The following APPL1 variants were observed in gnomAD, a reference collection of about 807,000 sequenced individuals.
APPL1 encodes the protein adaptor protein, phosphotyrosine interacting with PH domain and leucine zipper 1.
In APPL1, 42 loss-of-function variants were observed where a neutral mutation model predicts 106.8. The ratio of observed to expected loss-of-function variants is 0.39; its 90% CI spans 0.31 to 0.51. The LOEUF is 0.51. Among genes scored for constraint, APPL1 ranks in the 20% least tolerant of loss-of-function variants. The pLI is 0.75. For missense variants in APPL1, 769 were observed against 858.2 expected, an observed-to-expected ratio of 0.90 and a Z score of 1.30; for synonymous variants, 263 against 281.8, an observed-to-expected ratio of 0.93 and a Z score of 0.67.
rs141358272 is a variant in APPL1, at chr3:57,271,222, TCA to T, written c.*1539_*1540del. 0.18 allele frequency: 27,612 copies of T among 152,200 alleles called. 2,794 individuals carry two copies. Among genetic ancestry groups the T allele is most frequent in the African/African-American group, 0.25 (10,195 of 41,344 alleles). The allele number at this position is 152,200 out of a possible 1,614,324, so 9.4% of individuals were successfully genotyped here. On this transcript the variant is annotated 3_prime_UTR_variant, in exon 22 of 22. Transcript: ENST00000288266. ...GGTCTCAAAATATAACTCAGCTGTT[TCA>T]CACTGTATATGTACATTGTTTTCTG...
intron 11 of APPL1, among the ~76,000 whole-genome samples, chr3:57,250,174 T>G (rs1396433028): frequency 1.3e-5 from 2 of 152,202 alleles, no homozygotes; most frequent in African/African-American, 4.8e-5. Flanking sequence ...GGGGTCTTAC[T>G]GTGTCTCCCT....
At position 57,247,519 on chromosome 3, in the gene APPL1, AATG is replaced by A. The variant is rs1559509879; in HGVS notation, c.704+45_704+47del. 5.8e-6 allele frequency: 7 copies of A among 1,199,272 alleles called. No homozygotes were observed. The East Asian group carries it at 1.4e-4, about 24-fold the overall frequency. The allele number at this position is 1,199,272 out of a possible 1,614,324, so 74.3% of individuals were successfully genotyped here. ...TTAAAATTGAAAATGAAATGATGTGAATGATAACAGCTCAATGACATAATGTAA... is the reference window on the plus strand; with the variant it reads ...TTAAAATTGAAAATGAAATGATGTGAATAACAGCTCAATGACATAATGTAA... On this transcript the variant is annotated intron_variant, in intron 9 of 21. Coordinates refer to ENST00000288266, the MANE Select transcript of APPL1 (RefSeq NM_012096.3).
rs1327673618 is a variant in APPL1 at position 57,272,208 on chromosome 3, G to GTAAC, written c.*2524_*2527dup. 6.6e-6 allele frequency: 1 copy of GTAAC among 152,146 alleles called. No individual in the cohort carries two copies. The highest frequency in any genetic ancestry group is 6.5e-5 in the Admixed American group (1 of 15,286). 9.4% of individuals were successfully genotyped at this position (152,146 alleles called of 1,614,324 possible). On this transcript the variant is annotated 3_prime_UTR_variant, in exon 22 of 22. Transcript: ENST00000288266. Reference sequence around the variant, plus strand: ...TGTTACCTATTTGAACAGTATGTTTGTAACTATGGCAATGAAGTCAGTAGA... The same window carrying GTAAC: ...TGTTACCTATTTGAACAGTATGTTTGTAACTAACTATGGCAATGAAGTCAGTAGA...
rs745495066 is a variant in APPL1, at chr3:57,248,197, C to T, written c.709C>T (p.Arg237Cys). Residue 237 changes from arginine to cysteine, a missense_variant, in exon 10 of 22, where the codon CGC becomes TGC. By Grantham distance (180) the Arg-to-Cys change is radical. Transcript: ENST00000288266. Reference sequence around the variant, plus strand: ...AAATAATCTGTTCTGTGTCAGTGTTCGCAGGGAAATGGACAGTGATATAGA... The same window carrying T: ...AAATAATCTGTTCTGTGTCAGTGTTTGCAGGGAAATGGACAGTGATATAGA... ...ANIGTSVQNVRREMDSDIETM... is the reference protein window; with the variant it reads ...ANIGTSVQNVCREMDSDIETM... 6 of 1,610,958 alleles carry T rather than the reference C, an allele frequency of 3.7e-6. No homozygotes were observed. The highest frequency in any genetic ancestry group is 2.2e-5 in the South Asian group (2 of 90,596).
At chr3:57,231,037 A>G (rs2060684109) in intron 1 of APPL1, among the ~76,000 whole-genome samples, 1 of 151,852 alleles carries the variant, frequency 6.6e-6, no homozygotes, top group Non-Finnish European at 1.5e-5. Flanking sequence ...AGCCCAACTA[A>G]TCTAAAAATT....
intron 7 of APPL1, 84 bp downstream of exon 7, chr3:57,242,998 C>A: frequency 3.1e-6 from 3 of 962,766 alleles, no homozygotes; most frequent in South Asian, 1.4e-5. Flanking sequence ...ATAGAGCCAG[C>A]AGTTACTTTG....
chr3:57,239,400 G>A (rs879543367), intron 4 of APPL1, among the ~76,000 whole-genome samples: 5 of 152,130 alleles, frequency 3.3e-5, no homozygotes, highest in Non-Finnish European at 7.4e-5. Flanking sequence ...ACTTCTTTAT[G>A]TCTGTTTTCA....
chr3:57,237,982 A>T, intron 3 of APPL1, 63 bp from the exon 4 acceptor site: 2 of 1,236,666 alleles, frequency 1.6e-6, no homozygotes, highest in Non-Finnish European at 1.2e-6. Context: ...TGTAAATTAT[A>T]GTAATGTCAT....
At chr3:57,253,012 A>G (rs1032290143) in intron 12 of APPL1, among the ~76,000 whole-genome samples, 1 of 152,190 alleles carries the variant, frequency 6.6e-6, no homozygotes, top group Non-Finnish European at 1.5e-5. Context: ...TAATATTAAA[A>G]CTTGCTTTTA....
intron 21 of APPL1, chr3:57,268,704 A>G (rs1489193084): frequency 9.1e-6 from 3 of 328,464 alleles, no homozygotes; most frequent in East Asian, 1.1e-4. Context: ...GACTGTTTCA[A>G]AAATATACCA....
Position 57,248,265 on chromosome 3 carries a change from T to C in APPL1, c.777T>C (p.Asp259=), listed in dbSNP as rs753805782. The change falls in exon 10 of 22, where the codon GAT becomes GAC. Residue 259 remains aspartate, a synonymous_variant. Transcript: ENST00000288266. The part of the protein sequence containing the change: ...QTIEDLEVAS[D]PLYVPDPDPT... ...TAGAGGATTTGGAAGTAGCCAGTGA[T>C]CCCTTATATGTGCCTGACCCAGACC... 1.2e-6 allele frequency: 2 copies of C among 1,614,162 alleles called. No homozygotes were observed. The highest frequency in any genetic ancestry group is 1.7e-6 in the Non-Finnish European group (2 of 1,180,026).
chr3:57,256,912 G>C, intron 13 of APPL1, 45 bp from the exon 14 acceptor site: 2 of 1,533,392 alleles, frequency 1.3e-6, no homozygotes, highest in Non-Finnish European at 1.8e-6. Flanking sequence ...CTTTTGGTTT[G>C]CTTACTTTAC....
chr3:57,246,298 A>G, intron 8 of APPL1, 76 bp downstream of exon 8: 1 of 1,125,600 alleles, frequency 8.9e-7, no homozygotes, highest in Non-Finnish European at 1.2e-6. Context: ...ATTAAGTATA[A>G]GGGTATTATA....
At position 57,235,598 on chromosome 3, in the gene APPL1, T is replaced by C; in HGVS notation, c.87T>C (p.Asp29=). 6.2e-7 allele frequency: 1 copy of C among 1,613,258 alleles called. No individual in the cohort carries two copies. The change falls in exon 2 of 22, where the codon GAT becomes GAC. Residue 29 remains aspartate (D), a synonymous_variant. Coordinates refer to ENST00000288266, the MANE Select transcript of APPL1 (RefSeq NM_012096.3). ...CTTTACTAGGTGTATTTGAAGAAGATGCCACAGCTATTTCCAACTATATGA... is the reference window on the plus strand; with the variant it reads ...CTTTACTAGGTGTATTTGAAGAAGACGCCACAGCTATTTCCAACTATATGA... ...TRSLLGVFEE[D]ATAISNYMNQ... is the part of the protein sequence containing the mutation.
chr3:57,247,526 A>G, intron 9 of APPL1, 49 bp downstream of exon 9: 1 of 1,147,648 alleles, frequency 8.7e-7, no homozygotes, highest in East Asian at 2.4e-5. Flanking sequence ...GTGAATGATA[A>G]CAGCTCAATG....
chr3:57,242,590 C>T (rs190232205), intron 6 of APPL1, among the ~76,000 whole-genome samples: 264 of 152,234 alleles, frequency 1.7e-3, no homozygotes, highest in East Asian at 2.3e-3. Flanking sequence ...GTCTAAGCTG[C>T]GTTTGCTATT....
chr3:57,241,673 G>T (rs1171115947), intron 5 of APPL1, among the ~76,000 whole-genome samples: 7 of 152,152 alleles, frequency 4.6e-5, no homozygotes, highest in Non-Finnish European at 5.9e-5. Context: ...CTCAAGAATG[G>T]TCATTTCTAA....
intron 7 of APPL1, among the ~76,000 whole-genome samples, chr3:57,245,851 T>C (rs1227048512): frequency 6.6e-6 from 1 of 152,178 alleles, no homozygotes; most frequent in African/African-American, 2.4e-5. Flanking sequence ...GGGCTCAATG[T>C]GCATTTTGTA....
At chr3:57,232,125 C>T (rs2060689826) in intron 1 of APPL1, among the ~76,000 whole-genome samples, 1 of 152,060 alleles carries the variant, frequency 6.6e-6, no homozygotes, top group Non-Finnish European at 1.5e-5. Context: ...CAAAATAAAC[C>T]TTGTTAATTA....
Sources: allele counts gnomAD v4.1 joint callset (sites outside exome capture counted in the v4.1 genomes callset), GRCh38; gene constraint gnomAD v4.1.1; transcripts MANE v1.5; gene names NCBI Gene and HGNC (gene_info 2026-07-23, HGNC 2026-07-21).